Variants in RNF150 observed in about 807,000 individuals in gnomAD.
The protein encoded by RNF150 is ring finger protein 150.
RNF150 carries 24 observed loss-of-function variants against 39.3 expected under a neutral mutation model. That is an observed-to-expected ratio of 0.61 (90% CI 0.44 to 0.86). The LOEUF (loss-of-function observed/expected upper bound fraction) is 0.86. Ranked by LOEUF, RNF150 falls within the 40% of genes least tolerant of loss-of-function variation. RNF150 has a pLI of 0.00. For synonymous variants in RNF150, 255 were observed against 227.3 expected, an observed-to-expected ratio of 1.12 and a Z score of -1.10; for missense variants, 502 against 587.8, an observed-to-expected ratio of 0.85 and a Z score of 1.51.
At chr4:140,877,863 A>C (rs1336653133) in intron 6 of RNF150, among the ~76,000 whole-genome samples, 3 of 152,210 alleles carry the variant, frequency 2.0e-5, no homozygotes, top group South Asian at 2.1e-4. Flanking sequence ...ATTGGGAAGT[A>C]TGGAGGTAAG....
chr4:141,097,674 T>C (rs1738846164), intron 1 of RNF150, among the ~76,000 whole-genome samples: 1 of 152,184 alleles, frequency 6.6e-6, no homozygotes, highest in Non-Finnish European at 1.5e-5. Context: ...AACTTATGTC[T>C]TTGATTAATA....
chr4:141,054,277 G>A (rs867187589), intron 1 of RNF150, among the ~76,000 whole-genome samples: 13 of 152,010 alleles, frequency 8.6e-5, no homozygotes, highest in African/African-American at 2.4e-4. Flanking sequence ...ATTTAATATC[G>A]GAAATTAAGT....
chr4:140,955,187 A>G lies in RNF150; in HGVS notation c.736-5815T>C, dbSNP rs577843626. ...ATAGAAGTCATAGCACAGCCAGTTC[A>G]ATAAATTTCCATGGTGTGGATCACC... On this transcript the variant is annotated intron_variant, in intron 2 of 6. Transcript: ENST00000515673. Among the ~76,000 whole-genome samples the G allele has an allele frequency of 2.0e-4, 31 of 152,348 alleles. No individual in the cohort carries two copies. In the East Asian group the frequency reaches 5.8e-3, roughly 28 times the overall value.
chr4:140,877,358 T>G (rs1729196620), intron 6 of RNF150, among the ~76,000 whole-genome samples: 2 of 152,240 alleles, frequency 1.3e-5, no homozygotes, highest in Non-Finnish European at 2.9e-5. Flanking sequence ...ATTGAGAACC[T>G]TAAACATTAA....
In RNF150 at chr4:140,863,497, A is replaced by G. The variant is rs1235536272; in HGVS notation, c.*4764T>C. Reference sequence around the variant, plus strand: ...GAGGAAAAACACCAACAACAGTAACAATGGTAATCACAATAATGATAATGA... The same window carrying G: ...GAGGAAAAACACCAACAACAGTAACGATGGTAATCACAATAATGATAATGA... On this transcript the variant is annotated 3_prime_UTR_variant, in exon 7 of 7. Coordinates refer to ENST00000515673, the MANE Select transcript of RNF150 (RefSeq NM_020724.2). 1.3e-5 allele frequency: 2 copies of G among 152,224 alleles called. No homozygotes were observed. Among genetic ancestry groups the G allele is most frequent in the Non-Finnish European group, 2.9e-5 (2 of 68,032 alleles). The allele number at this position is 152,224 out of a possible 1,614,324, so 9.4% of individuals were successfully genotyped here.
intron 1 of RNF150, among the ~76,000 whole-genome samples, chr4:140,998,323 T>C (rs536375135): frequency 1.3e-5 from 2 of 151,554 alleles, no homozygotes; most frequent in South Asian, 2.1e-4. Context: ...GAGGCCCTAA[T>C]CCAAAAGGAC....
At chr4:141,210,393 G>A (rs1481881427) in intron 1 of RNF150, among the ~76,000 whole-genome samples, 1 of 151,722 alleles carries the variant, frequency 6.6e-6, no homozygotes, top group Non-Finnish European at 1.5e-5. Flanking sequence ...AAGAGGCTTA[G>A]TTTTCTTTTT....
intron 2 of RNF150, among the ~76,000 whole-genome samples, chr4:140,962,341 T>C (rs1034046674): frequency 6.6e-5 from 10 of 151,930 alleles, no homozygotes; most frequent in Non-Finnish European, 1.5e-4. Context: ...ACATTTCATG[T>C]GGCCACCATA....
chr4:141,139,987 C>A lies in RNF150; in HGVS notation c.-6+72807G>T, dbSNP rs185594641. 5.9e-5 allele frequency among the ~76,000 whole-genome samples: 9 copies of A among 152,296 alleles called. No individual in the cohort carries two copies. In the South Asian group the frequency reaches 1.7e-3, roughly 28 times the overall value. ...TTCTTTGTTCATTTCAGCTCTCAAGCCTTCACTTCATTTTTTGCTTTCGTA... is the reference window on the plus strand; with the variant it reads ...TTCTTTGTTCATTTCAGCTCTCAAGACTTCACTTCATTTTTTGCTTTCGTA... On this transcript the variant is annotated intron_variant, in intron 1 of 7. Coordinates refer to the RNF150 transcript ENST00000420921.
At chr4:141,088,599 CA>C (rs1157551506) in intron 1 of RNF150, among the ~76,000 whole-genome samples, 2 of 151,794 alleles carry the variant, frequency 1.3e-5, no homozygotes, top group Non-Finnish European at 2.9e-5. Flanking sequence ...TGGTTACCTG[CA>C]AATTTGGCAA....
rs1728635589 is a variant in RNF150 at position 140,864,784 on chromosome 4, T to C, written c.*3477A>G. ...TAGAAGTGAGGGGTATAATTTTGTT[T>C]CAGCACCAAATCAGCATGGTTTGTG... On this transcript the variant is annotated 3_prime_UTR_variant, in exon 7 of 7. Coordinates refer to ENST00000515673, the MANE Select transcript of RNF150 (RefSeq NM_020724.2). 6.6e-6 allele frequency: 1 copy of C among 152,174 alleles called. No homozygotes were observed. Among genetic ancestry groups the C allele is most frequent in the Non-Finnish European group, 1.5e-5 (1 of 68,046 alleles). 9.4% of individuals were successfully genotyped at this position (152,174 alleles called of 1,614,324 possible).
chr4:140,976,873 A>G (rs1010869630), intron 1 of RNF150, among the ~76,000 whole-genome samples: 1 of 152,020 alleles, frequency 6.6e-6, no homozygotes, highest in South Asian at 2.1e-4. Flanking sequence ...TTTTCACTTG[A>G]AATTTATGAT....
At chr4:140,978,326 A>C (rs1317313130) in intron 1 of RNF150, among the ~76,000 whole-genome samples, 5 of 150,398 alleles carry the variant, frequency 3.3e-5, no homozygotes, top group Admixed American at 3.3e-4. Context: ...TTACAGTTAG[A>C]GCTAACTGTT....
Position 140,868,243 on chromosome 4 carries a change from G to T in RNF150, c.*18C>A. 1 of 1,404,166 alleles carries T rather than the reference G, an allele frequency of 7.1e-7. No individual in the cohort carries two copies. Among genetic ancestry groups the T allele is most frequent in the Non-Finnish European group, 1.0e-6 (1 of 988,788 alleles). The allele number at this position is 1,404,166 out of a possible 1,614,324, so 87.0% of individuals were successfully genotyped here. On this transcript the variant is annotated 3_prime_UTR_variant, in exon 7 of 7. Coordinates refer to ENST00000515673, the MANE Select transcript of RNF150 (RefSeq NM_020724.2). ...TTCCCTTGGGTCCTACTATCTCTTT[G>T]CTTCTGGATTTGTCGTTTCAAGATT... is the stretch of plus-strand genomic sequence containing the variant.
chr4:141,125,847 C>T (rs1034288339), intron 1 of RNF150, among the ~76,000 whole-genome samples: 8 of 152,074 alleles, frequency 5.3e-5, no homozygotes, highest in Admixed American at 5.2e-4. Context: ...TGATTGAATT[C>T]TTATTAAAGA....
chr4:141,102,786 G>T (rs551138988), intron 1 of RNF150, among the ~76,000 whole-genome samples: 2 of 152,096 alleles, frequency 1.3e-5, no homozygotes, highest in Non-Finnish European at 2.9e-5. Flanking sequence ...TTTCCTAAGC[G>T]GTTGTCTCCA....
At chr4:141,097,065 T>C (rs917197445) in intron 1 of RNF150, among the ~76,000 whole-genome samples, 2 of 152,224 alleles carry the variant, frequency 1.3e-5, no homozygotes, top group African/African-American at 2.4e-5. Flanking sequence ...CAATTAACAC[T>C]GTCTTCATGT....
rs771779182 is a variant in RNF150, at chr4:140,911,212, C to T, written c.1130G>A (p.Gly377Glu). The T allele has an allele frequency of 1.9e-6, 3 of 1,614,036 alleles. No individual in the cohort carries two copies. Among genetic ancestry groups the T allele is most frequent in the African/African-American group, 2.7e-5 (2 of 74,922 alleles). Residue 377 changes from glycine (G) to glutamate (E), a missense_variant, in exon 6 of 7, where the codon GGA (glycine) becomes GAA (glutamate). Transcript: ENST00000515673. ...VTLDPAVRTV[G>E]ALQVVQDTDP... is the part of the protein sequence containing the mutation. ...TGTATCCTGGACCACCTGCAAGGCT[C>T]CCACAGTCCGGACAGCAGGGTCCAA...
chr4:140,920,016 C>T (rs182626562), intron 5 of RNF150, among the ~76,000 whole-genome samples: 13 of 152,190 alleles, frequency 8.5e-5, no homozygotes, highest in Admixed American at 2.0e-4. Flanking sequence ...CCCTTCCTTA[C>T]GTCGTATACA....
Sources: allele counts gnomAD v4.1 joint callset (sites outside exome capture counted in the v4.1 genomes callset), GRCh38; gene constraint gnomAD v4.1.1; transcripts MANE v1.5; gene names NCBI Gene and HGNC (gene_info 2026-07-23, HGNC 2026-07-21).